Variants in NUP98 observed in about 807,000 individuals in gnomAD.
NUP98 encodes the protein nuclear pore complex protein Nup98-Nup96.
A neutral mutation model predicts 191.9 loss-of-function variants in NUP98; 26 were observed. The ratio of observed to expected loss-of-function variants is 0.14; its 90% CI spans 0.10 to 0.19. NUP98 has a LOEUF of 0.19. NUP98 is among the 10% of genes least tolerant of loss of function. NUP98 has a pLI of 1.00. For synonymous variants in NUP98, 808 were observed against 778.4 expected (o/e 1.04, Z -0.63); for missense variants, 1,941 against 2,178.8 (o/e 0.89, Z 2.17).
chr11:3,766,149 C>T (rs1420185909), intron 8 of NUP98, among the ~76,000 whole-genome samples: 2 of 152,142 alleles, frequency 1.3e-5, no homozygotes, highest in Non-Finnish European at 2.9e-5. Flanking sequence ...CCAAGGAGAG[C>T]AGATTGTTCG....
intron 4 of NUP98, among the ~76,000 whole-genome samples, chr11:3,776,298 T>A (rs1259107991): frequency 6.6e-6 from 1 of 151,402 alleles, no homozygotes; most frequent in East Asian, 1.9e-4. Context: ...ATTTTTTTTT[T>A]AATTTTTGTA....
intron 30 of NUP98, among the ~76,000 whole-genome samples, chr11:3,682,874 G>T (rs2078021891): frequency 6.6e-6 from 1 of 152,208 alleles, no homozygotes; most frequent in African/African-American, 2.4e-5. Context: ...TGGAAAATGT[G>T]AAGAATTTCT....
chr11:3,795,692 T>A (rs1317116848), intron 1 of NUP98, among the ~76,000 whole-genome samples: 2 of 152,074 alleles, frequency 1.3e-5, no homozygotes, highest in African/African-American at 4.8e-5. Flanking sequence ...ACAGCTAAAA[T>A]AAAAATGATA....
chr11:3,791,444 G>C (rs975342040), intron 1 of NUP98, among the ~76,000 whole-genome samples: 3 of 145,628 alleles, frequency 2.1e-5, no homozygotes, highest in African/African-American at 5.1e-5. Context: ...GGAGACAGGA[G>C]AATCAGTGGA....
chr11:3,756,406 C>T (rs188419403), intron 10 of NUP98, among the ~76,000 whole-genome samples: 7 of 152,246 alleles, frequency 4.6e-5, no homozygotes, highest in Non-Finnish European at 8.8e-5. Context: ...ATAAAGATGA[C>T]ACCTTTCATT....
intron 2 of NUP98, among the ~76,000 whole-genome samples, chr11:3,779,614 C>T (rs1321795545): frequency 1.3e-5 from 2 of 148,712 alleles, no homozygotes; most frequent in Admixed American, 6.8e-5. Context: ...GCACTCCAGC[C>T]GGGGCAACAA....
chr11:3,783,108 T>C (rs1419281342), intron 1 of NUP98, among the ~76,000 whole-genome samples: 1 of 152,130 alleles, frequency 6.6e-6, no homozygotes, highest in Non-Finnish European at 1.5e-5. Flanking sequence ...CCCTCACCTC[T>C]GGCCAGGCAC....
In NUP98 at chr11:3,760,526, G is replaced by A. The variant is rs2081129292; in HGVS notation, c.1174+13C>T. 4 of 1,614,088 alleles carry A rather than the reference G, an allele frequency of 2.5e-6. No homozygotes were observed. Among genetic ancestry groups the A allele is most frequent in the Non-Finnish European group, 3.4e-6 (4 of 1,179,982 alleles). On this transcript the variant is annotated intron_variant, in intron 10 of 32. Transcript: ENST00000324932. Reference sequence around the variant, plus strand: ...GTTTGTATTGGTTCCTAAAGTCAGGGTTGGTTTGTTACCAAAGAGCCCGCC... The same window carrying A: ...GTTTGTATTGGTTCCTAAAGTCAGGATTGGTTTGTTACCAAAGAGCCCGCC...
chr11:3,741,443 G>A (rs920374525), intron 12 of NUP98, among the ~76,000 whole-genome samples: 1 of 151,914 alleles, frequency 6.6e-6, no homozygotes, highest in Non-Finnish European at 1.5e-5. Context: ...CCAACATGGT[G>A]AAACCCCATC....
chr11:3,685,730 G>C (rs760105068), intron 29 of NUP98, among the ~76,000 whole-genome samples: 65 of 152,300 alleles, frequency 4.3e-4, no homozygotes, highest in Middle Eastern at 3.4e-3. Context: ...AGACTGCTGA[G>C]AGACTTTGTG....
intron 5 of NUP98, among the ~76,000 whole-genome samples, chr11:3,774,201 C>T (rs1241094811): frequency 6.6e-6 from 1 of 150,458 alleles, no homozygotes; most frequent in Non-Finnish European, 1.5e-5. Flanking sequence ...AGTTCGAGAC[C>T]AGCCTGGCTA....
intron 5 of NUP98, among the ~76,000 whole-genome samples, chr11:3,774,773 A>G (rs1295200796): frequency 2.6e-5 from 4 of 152,168 alleles, no homozygotes; most frequent in African/African-American, 9.7e-5. Context: ...AAGGCACAAT[A>G]AGTAAAACTA....
At chr11:3,729,248 G>A (rs1468821707) in intron 14 of NUP98, among the ~76,000 whole-genome samples, 1 of 152,046 alleles carries the variant, frequency 6.6e-6, no homozygotes, top group Non-Finnish European at 1.5e-5. Context: ...TGAGCCAAGG[G>A]CATTCTAATT....
intron 18 of NUP98, among the ~76,000 whole-genome samples, chr11:3,717,495 G>GA (rs1424358262): frequency 1.3e-5 from 2 of 152,134 alleles, no homozygotes; most frequent in Admixed American, 6.5e-5. Context: ...TGTTGTTAGT[G>GA]TATAGCAGTG....
chr11:3,712,425 A>G lies in NUP98; in HGVS notation c.2742+139T>C, dbSNP rs557715562. 9.9e-4 allele frequency: 1,456 copies of G among 1,463,538 alleles called. 6 individuals are homozygous for G. Among genetic ancestry groups the G allele is most frequent in the Non-Finnish European group, 1.2e-3 (1,369 of 1,111,506 alleles). 90.7% of individuals were successfully genotyped at this position (1,463,538 alleles called of 1,614,324 possible). ...TGCAAGACCTCACGCCCTCCCTTGC[A>G]CTTGTTTCAACGTGATTGCCAATGT... On this transcript the variant is annotated intron_variant, in intron 20 of 32. Transcript: ENST00000324932.
intron 32 of NUP98, 61 bp from the exon 33 acceptor site, chr11:3,676,437 T>G (rs1589938564): frequency 6.2e-7 from 1 of 1,603,862 alleles, no homozygotes; most frequent in Admixed American, 1.7e-5. Context: ...TGGTAGGCAC[T>G]GAGGGTGGGG....
At chr11:3,759,846 TA>T (rs2081104937) in intron 10 of NUP98, among the ~76,000 whole-genome samples, 1 of 152,006 alleles carries the variant, frequency 6.6e-6, no homozygotes, top group Non-Finnish European at 1.5e-5. Context: ...CTTATTTTAT[TA>T]TTTTTTTTAG....
At position 3,676,184 on chromosome 11, in the gene NUP98, C is replaced by T. The variant is rs375000966; in HGVS notation, c.5378G>A (p.Arg1793Gln). 76 of 1,613,916 alleles carry T rather than the reference C, an allele frequency of 4.7e-5. 1 individual carries two copies. The highest frequency in any genetic ancestry group is 6.6e-5 in the South Asian group (6 of 91,084). The change falls in exon 33 of 33, where the codon CGA becomes CAA. Residue 1793 changes from arginine (R) to glutamine (Q), a missense_variant. Physicochemically the swap from Arg to Gln is conservative, Grantham distance 43. Transcript: ENST00000324932. ...ELRSLTQSYL[R>Q]ELAVGSL ...TCACAGGCTCCCAACAGCCAGTTCTCGCAGATAGGACTGGGTAAGGCTGCG... is the reference window on the plus strand; with the variant it reads ...TCACAGGCTCCCAACAGCCAGTTCTTGCAGATAGGACTGGGTAAGGCTGCG...
intron 7 of NUP98, among the ~76,000 whole-genome samples, chr11:3,770,286 C>T (rs1332086474): frequency 6.6e-6 from 1 of 152,114 alleles, no homozygotes; most frequent in East Asian, 1.9e-4. Flanking sequence ...TTGGAGGTTG[C>T]ACTGCACTCC....
Sources: allele counts gnomAD v4.1 joint callset (sites outside exome capture counted in the v4.1 genomes callset), GRCh38; gene constraint gnomAD v4.1.1; transcripts MANE v1.5; gene names NCBI Gene and HGNC (gene_info 2026-07-23, HGNC 2026-07-21).